The following PPP2R3C variants were observed in gnomAD, a reference collection of about 807,000 sequenced individuals.
The protein encoded by PPP2R3C is protein phosphatase 2 regulatory subunit B''gamma, also known as serine/threonine-protein phosphatase 2A regulatory subunit B'' subunit gamma.
In PPP2R3C, 47 loss-of-function variants were observed where a neutral mutation model predicts 63.7. The ratio of observed to expected loss-of-function variants is 0.74; its 90% CI spans 0.58 to 0.94. PPP2R3C has a LOEUF of 0.94. Among genes scored for constraint, PPP2R3C ranks in the 40% least tolerant of loss-of-function variants. The pLI, the probability that PPP2R3C is intolerant of heterozygous loss-of-function variation, is 0.00. For missense variants in PPP2R3C, 421 were observed against 518.4 expected (o/e 0.81, Z 1.82); for synonymous variants, 180 against 177.4 (o/e 1.01, Z -0.12).
At chr14:35,118,513 A>G (rs1392558472) in intron 1 of PPP2R3C, among the ~76,000 whole-genome samples, 2 of 152,186 alleles carry the variant, frequency 1.3e-5, no homozygotes, top group Non-Finnish European at 2.9e-5. Context: ...ACAAAGACAG[A>G]GATTTTTTTG....
At chr14:35,105,478 G>A (rs2046319018) in intron 6 of PPP2R3C, among the ~76,000 whole-genome samples, 1 of 151,642 alleles carries the variant, frequency 6.6e-6, no homozygotes, top group African/African-American at 2.4e-5. Context: ...ACCGCGCCCA[G>A]CCAAAAGGCC....
chr14:35,086,141 T>G (rs1024483521), intron 12 of PPP2R3C: 34 of 167,374 alleles, frequency 2.0e-4, no homozygotes, highest in Middle Eastern at 2.7e-3. Context: ...TTCTTATATA[T>G]TTTTCTGTTG....
At chr14:35,120,125 C>CTGTA (rs1468498737) in intron 1 of PPP2R3C, among the ~76,000 whole-genome samples, 3 of 146,126 alleles carry the variant, frequency 2.1e-5, no homozygotes, top group Non-Finnish European at 4.6e-5. Context: ...AGGCTTGAGC[C>CTGTA]ACCGCGCCCG....
In PPP2R3C at chr14:35,116,596, T is replaced by C; in HGVS notation, c.186+14A>G. On this transcript the variant is annotated intron_variant, in intron 2 of 12. Transcript: ENST00000261475. ...TTTTAAACTCTGCAGGACATTTGAT[T>C]AGACACTACTTACCCTATAATAAAA... The C allele has an allele frequency of 6.4e-7, 1 of 1,554,116 alleles. No homozygotes were observed.
chr14:35,112,724 C>T (rs1041487168), intron 2 of PPP2R3C: 1 of 152,178 alleles, frequency 6.6e-6, no homozygotes, highest in Non-Finnish European at 1.5e-5. Flanking sequence ...AACATCAACA[C>T]AGACTTTAAG....
At chr14:35,108,652 C>A (rs1305650719) in intron 4 of PPP2R3C, among the ~76,000 whole-genome samples, 1 of 151,964 alleles carries the variant, frequency 6.6e-6, no homozygotes, top group Non-Finnish European at 1.5e-5. Context: ...TTTGTTAATA[C>A]AATAATACTT....
At chr14:35,096,683 C>A (rs748055320) in intron 8 of PPP2R3C, 26 bp downstream of exon 8, 1 of 1,607,700 alleles carries the variant, frequency 6.2e-7, no homozygotes, top group Non-Finnish European at 8.5e-7. Flanking sequence ...TCAAGTGATA[C>A]AATTAAGTAG....
rs768780991 is a variant in PPP2R3C, at chr14:35,099,397, CAAAAT to C, written c.574-18_574-14del. The C allele has an allele frequency of 2.8e-5, 45 of 1,585,308 alleles. No homozygotes were observed. In the African/African-American group the frequency reaches 3.6e-4, roughly 13 times the overall value. On this transcript the variant is annotated splice_polypyrimidine_tract_variant and intron_variant, in intron 6 of 12. Coordinates refer to ENST00000261475, the MANE Select transcript of PPP2R3C (RefSeq NM_017917.4). Reference sequence around the variant, plus strand: ...AGTTTTCTAAATCCTGAAAATAAAACAAAATAAAGTGTTAAATGTCCAGTCTTGAT... The same window carrying C: ...AGTTTTCTAAATCCTGAAAATAAAACAAAGTGTTAAATGTCCAGTCTTGAT...
intron 2 of PPP2R3C, among the ~76,000 whole-genome samples, chr14:35,113,516 A>G (rs1228026723): frequency 6.6e-6 from 1 of 152,166 alleles, no homozygotes; most frequent in Non-Finnish European, 1.5e-5. Context: ...CACCATTCCT[A>G]TCCAAGAGCT....
In PPP2R3C at chr14:35,092,529, C is replaced by T. The variant is rs185107679; in HGVS notation, c.976-1322G>A. ...TTGCCCAGGCTGGAGTGCAATGGCG[C>T]GATCCTGGCTCACCACAACCTCTGC... On this transcript the variant is annotated intron_variant, in intron 10 of 12. Transcript: ENST00000261475. Among the ~76,000 whole-genome samples, 220 of 152,148 alleles carry T rather than the reference C, an allele frequency of 1.4e-3. 4 individuals carry two copies. Among genetic ancestry groups the T allele is most frequent in the South Asian group, 0.01 (49 of 4,818 alleles).
At chr14:35,108,317 TA>T in intron 4 of PPP2R3C, 81 bp from the exon 5 acceptor site, 2 of 1,446,258 alleles carry the variant, frequency 1.4e-6, no homozygotes, top group Non-Finnish European at 1.8e-6. Flanking sequence ...AACAATGGCA[TA>T]AATTCATACA....
At chr14:35,119,125 C>T (rs1334800026) in intron 1 of PPP2R3C, among the ~76,000 whole-genome samples, 1 of 150,710 alleles carries the variant, frequency 6.6e-6, no homozygotes, top group Non-Finnish European at 1.5e-5. Context: ...GCAACTTCTG[C>T]CTCCTGGGTT....
Position 35,085,493 on chromosome 14 carries a change from G to GTGTT in PPP2R3C, c.*93_*96dup. On this transcript the variant is annotated 3_prime_UTR_variant, in exon 13 of 13. Coordinates refer to ENST00000261475, the MANE Select transcript of PPP2R3C (RefSeq NM_017917.4). Reference sequence around the variant, plus strand: ...TTGCTGTGTTCTCTAGGCATATCAAGTGTTTTATTTAGACCATTTCTGAGG... The same window carrying GTGTT: ...TTGCTGTGTTCTCTAGGCATATCAAGTGTTTGTTTTATTTAGACCATTTCTGAGG... The GTGTT allele has an allele frequency of 9.0e-7, 1 of 1,105,928 alleles. No homozygotes were observed. 68.5% of individuals were successfully genotyped at this position (1,105,928 alleles called of 1,614,324 possible).
At chr14:35,098,594 C>G (rs1405737170) in intron 7 of PPP2R3C, 1 of 151,784 alleles carries the variant, frequency 6.6e-6, no homozygotes, top group Non-Finnish European at 1.5e-5. Context: ...AGTGGTCCAC[C>G]CAACTCAGCC....
chr14:35,096,659 G>A (rs924456270), intron 8 of PPP2R3C, 26 bp from the exon 9 acceptor site: 2 of 1,610,224 alleles, frequency 1.2e-6, no homozygotes, highest in African/African-American at 2.7e-5. Flanking sequence ...GACATAATTA[G>A]AAGATAGCAA....
At chr14:35,118,901 T>G (rs1451327557) in intron 1 of PPP2R3C, among the ~76,000 whole-genome samples, 1 of 151,548 alleles carries the variant, frequency 6.6e-6, no homozygotes, top group African/African-American at 2.4e-5. Context: ...ATCCACCCAC[T>G]TCAGCCTCCC....
Position 35,108,120 on chromosome 14 carries a change from C to T in PPP2R3C, c.502+19G>A. ...TTGATTCCCAGATAAGGAGTTCAAG[C>T]ACAGTAAAAATGAATCACCTTTTCT... On this transcript the variant is annotated intron_variant, in intron 5 of 12. Transcript: ENST00000261475. 1 of 1,603,638 alleles carries T rather than the reference C, an allele frequency of 6.2e-7. No individual in the cohort carries two copies. The highest frequency in any genetic ancestry group is 8.5e-7 in the Non-Finnish European group (1 of 1,177,272).
intron 7 of PPP2R3C, 108 bp downstream of exon 7, chr14:35,099,144 G>T: frequency 3.8e-6 from 5 of 1,313,546 alleles, no homozygotes; most frequent in South Asian, 3.8e-5. Context: ...ATTTTTAATG[G>T]CAGTGACAGG....
In PPP2R3C at chr14:35,105,130, C is replaced by T. The variant is rs988529561; in HGVS notation, c.573+2174G>A. On this transcript the variant is annotated intron_variant, in intron 6 of 12. Transcript: ENST00000261475. ...TTAATATCACTCATGAATAATCAAACGTTTTTCAGTGATTTTTAAATGTTA... is the reference window on the plus strand; with the variant it reads ...TTAATATCACTCATGAATAATCAAATGTTTTTCAGTGATTTTTAAATGTTA... 6.0e-5 allele frequency among the ~76,000 whole-genome samples: 9 copies of T among 150,986 alleles called. No individual in the cohort carries two copies. In the East Asian group the frequency reaches 1.6e-3, roughly 26 times the overall value.
Sources: allele counts gnomAD v4.1 joint callset (sites outside exome capture counted in the v4.1 genomes callset), GRCh38; gene constraint gnomAD v4.1.1; transcripts MANE v1.5; gene names NCBI Gene and HGNC (gene_info 2026-07-23, HGNC 2026-07-21).